The following TENM4 variants were observed in gnomAD, a reference collection of about 807,000 sequenced individuals.
TENM4 encodes teneurin-4.
Under a neutral mutation model 243.3 loss-of-function variants are expected in TENM4, and 82 were observed. The observed-to-expected ratio is 0.34, with a 90% confidence interval of 0.28 to 0.40. The LOEUF (loss-of-function observed/expected upper bound fraction) is 0.40. TENM4 is among the 10% of genes least tolerant of loss of function. The pLI, the probability that TENM4 is intolerant of heterozygous loss-of-function variation, is 1.00. For synonymous variants in TENM4, 1,412 were observed against 1,456.3 expected, an observed-to-expected ratio of 0.97 and a Z score of 0.69; for missense variants, 3,138 against 3,673.3, an observed-to-expected ratio of 0.85 and a Z score of 3.77.
At chr11:78,937,667 C>T (rs1856813863) in intron 6 of TENM4, among the ~76,000 whole-genome samples, 1 of 152,188 alleles carries the variant, frequency 6.6e-6, no homozygotes, top group Non-Finnish European at 1.5e-5. Flanking sequence ...TGGAGTCACT[C>T]ATGCAGAAAT....
At chr11:79,435,398 TGCCA>T (rs2065868235) in intron 1 of TENM4, among the ~76,000 whole-genome samples, 1 of 152,166 alleles carries the variant, frequency 6.6e-6, no homozygotes, top group African/African-American at 2.4e-5. Context: ...ACAGCCCATC[TGCCA>T]GTGCAAAGCA....
At chr11:79,409,101 TGCGC>T (rs377309749) in intron 1 of TENM4, among the ~76,000 whole-genome samples, 26,554 of 103,090 alleles carry the variant, frequency 0.26, 2,593 homozygotes, top group South Asian at 0.33. Flanking sequence ...TGTGTGTGTG[TGCGC>T]GCGCGCGCGT....
At chr11:79,295,729 G>T (rs2135389202) in intron 2 of TENM4, among the ~76,000 whole-genome samples, 1 of 152,294 alleles carries the variant, frequency 6.6e-6, no homozygotes, top group Non-Finnish European at 1.5e-5. Context: ...CCCCAAAGAA[G>T]AGGGCAAGGG....
At chr11:79,018,410 G>C (rs1023947370) in intron 6 of TENM4, among the ~76,000 whole-genome samples, 1 of 152,018 alleles carries the variant, frequency 6.6e-6, no homozygotes, top group African/African-American at 2.4e-5. Flanking sequence ...TTGCTTCCTG[G>C]CTCCTGTCCA....
intron 12 of TENM4, among the ~76,000 whole-genome samples, chr11:78,833,037 G>A (rs1482461468): frequency 6.6e-6 from 1 of 152,170 alleles, no homozygotes; most frequent in Non-Finnish European, 1.5e-5. Context: ...AGGAGATGTA[G>A]AAGAAACCCC....
At chr11:78,873,593 C>A (rs1859192241) in intron 9 of TENM4, among the ~76,000 whole-genome samples, 1 of 152,154 alleles carries the variant, frequency 6.6e-6, no homozygotes, top group African/African-American at 2.4e-5. Flanking sequence ...GATTAGGTAT[C>A]AAGCTGTGAA....
At chr11:79,012,975 G>A (rs2083699647) in intron 6 of TENM4, among the ~76,000 whole-genome samples, 1 of 152,188 alleles carries the variant, frequency 6.6e-6, no homozygotes, top group Non-Finnish European at 1.5e-5. Context: ...AGGAGTCCAG[G>A]TTTTTCAGTG....
chr11:78,757,678 CTG>C, intron 18 of TENM4, among the ~76,000 whole-genome samples: 1 of 152,368 alleles, frequency 6.6e-6, no homozygotes, highest in South Asian at 2.1e-4. Context: ...GGAGGTAAAA[CTG>C]TAAGCCCTGG....
chr11:79,360,079 G>A (rs1371142604), intron 1 of TENM4, among the ~76,000 whole-genome samples: 1 of 152,126 alleles, frequency 6.6e-6, no homozygotes, highest in Non-Finnish European at 1.5e-5. Context: ...TCATTACAGA[G>A]CCACAGCCTC....
chr11:79,126,682 T>C (rs895747916), intron 4 of TENM4, among the ~76,000 whole-genome samples: 2 of 152,162 alleles, frequency 1.3e-5, no homozygotes, highest in African/African-American at 4.8e-5. Context: ...ATTTGAATAA[T>C]AAAAAAACAG....
At chr11:79,373,074 T>C (rs892690111) in intron 1 of TENM4, among the ~76,000 whole-genome samples, 2 of 152,180 alleles carry the variant, frequency 1.3e-5, no homozygotes, top group Admixed American at 6.5e-5. Flanking sequence ...GAAAAAAATA[T>C]ATATCTAAAG....
chr11:78,702,487 T>C (rs1290250274), intron 27 of TENM4, 84 bp from the exon 28 acceptor site: 24 of 1,493,326 alleles, frequency 1.6e-5, no homozygotes, highest in African/African-American at 2.8e-5. Context: ...CCCATAACAG[T>C]GTCCAAAGTG....
chr11:79,087,969 C>A (rs1860850735), intron 4 of TENM4, among the ~76,000 whole-genome samples: 1 of 152,248 alleles, frequency 6.6e-6, no homozygotes, highest in South Asian at 2.1e-4. Context: ...GCTGTTCTTT[C>A]CGTGGGGAAG....
intron 3 of TENM4, among the ~76,000 whole-genome samples, chr11:79,164,206 G>T (rs1160590952): frequency 8.5e-6 from 1 of 117,422 alleles, no homozygotes; most frequent in African/African-American, 3.3e-5. Context: ...TATATATAGT[G>T]TATAGTATAT....
chr11:78,813,484 C>T (rs941027944), intron 13 of TENM4, among the ~76,000 whole-genome samples: 5 of 152,168 alleles, frequency 3.3e-5, no homozygotes, highest in Admixed American at 6.5e-5. Context: ...CCAGACTCAG[C>T]GCTCCCAGGA....
chr11:79,350,250 A>G (rs1857391993), intron 1 of TENM4, among the ~76,000 whole-genome samples: 1 of 152,244 alleles, frequency 6.6e-6, no homozygotes, highest in South Asian at 2.1e-4. Context: ...TTTTTAATCA[A>G]CAATCACGAA....
intron 26 of TENM4, 131 bp from the exon 27 acceptor site, chr11:78,708,646 CCT>C (rs1859317565): frequency 2.7e-6 from 3 of 1,098,196 alleles, no homozygotes; most frequent in Middle Eastern, 2.5e-4. Context: ...AACCTTCATT[CCT>C]CTCTCAAAGA....
At chr11:79,260,456 TAAAA>T (rs1304123285) in intron 2 of TENM4, among the ~76,000 whole-genome samples, 3 of 152,184 alleles carry the variant, frequency 2.0e-5, no homozygotes, top group African/African-American at 7.2e-5. Context: ...ACAATCACCT[TAAAA>T]AATAGAGATT....
intron 4 of TENM4, among the ~76,000 whole-genome samples, chr11:79,146,922 T>A (rs1230549096): frequency 6.6e-6 from 1 of 152,126 alleles, no homozygotes; most frequent in Non-Finnish European, 1.5e-5. Flanking sequence ...AGCCAGTCAC[T>A]GGATAAAGAG....
Sources: allele counts gnomAD v4.1 joint callset (sites outside exome capture counted in the v4.1 genomes callset), GRCh38; gene constraint gnomAD v4.1.1; transcripts MANE v1.5; gene names NCBI Gene and HGNC (gene_info 2026-07-23, HGNC 2026-07-21).